BRSK1: variants seen among roughly 807,000 people sequenced by gnomAD.
BRSK1 encodes BR serine/threonine kinase 1.
In BRSK1, 17 loss-of-function variants were observed where a neutral mutation model predicts 86.2. The observed-to-expected ratio is 0.20, with a 90% CI of 0.14 to 0.30. The LOEUF (loss-of-function observed/expected upper bound fraction) is 0.30. Among genes scored for constraint, BRSK1 ranks in the 10% least tolerant of loss-of-function variants. The probability of loss-of-function intolerance (pLI) is 1.00; values close to 1 mark genes in which losing one functional copy is unlikely to be tolerated. For synonymous variants in BRSK1, 464 were observed against 440.1 expected, an observed-to-expected ratio of 1.05 and a Z score of -0.68; for missense variants, 719 against 1,071.9, an observed-to-expected ratio of 0.67 and a Z score of 4.60.
Position 55,302,218 on chromosome 19 carries a change from G to A in BRSK1, c.857+50G>A. The stretch of plus-strand genomic sequence containing the variant: ...TGGGTCCCTGGCGGAAATAGGGGAG[G>A]GGCCAAAGCAGTAGAAGCGGCTGGG... On this transcript the variant is annotated intron_variant, in intron 9 of 18. Coordinates refer to ENST00000309383, the MANE Select transcript of BRSK1 (RefSeq NM_032430.2). The surrounding 1 kb of genome is among the most constrained non-coding windows in gnomAD (Gnocchi z 6.3). The A allele has an allele frequency of 6.2e-7, 1 of 1,609,356 alleles. No homozygotes were observed. The highest frequency in any genetic ancestry group is 8.5e-7 in the Non-Finnish European group (1 of 1,175,664).
At chr19:55,284,602 C>T (rs1439068086) in intron 1 of BRSK1, 24 bp downstream of exon 1, 1 of 1,271,388 alleles carries the variant, frequency 7.9e-7, no homozygotes, top group Non-Finnish European at 1.0e-6. Flanking sequence ...AAGGGGACAC[C>T]TGGGGCGGGG....
At position 55,305,327 on chromosome 19, in the gene BRSK1, C is replaced by T. The variant is rs779893208; in HGVS notation, c.1724C>T (p.Thr575Ile). ...TCTGCCTTCCCCCTACCAGTCCCTA[C>T]CGCTGAGGAGATGTCCAGCTTGACG... is the stretch of plus-strand genomic sequence containing the variant. ...RFHRRKMQVPTAEEMSSLTPE... is the reference protein window; with the variant it reads ...RFHRRKMQVPIAEEMSSLTPE... The change falls in exon 15 of 19, where the codon ACC (threonine) becomes ATC (isoleucine). Residue 575 changes from threonine to isoleucine, a missense_variant. By Grantham distance (89) the Thr-to-Ile change is moderately conservative. This residue lies in a region of BRSK1 where 180 missense variants were observed against 259.4 expected (regional missense o/e 0.69). Transcript: ENST00000309383. 2.5e-6 allele frequency: 4 copies of T among 1,614,010 alleles called. No homozygotes were observed. The Admixed American group carries it at 5.0e-5, about 20-fold the overall frequency.
At position 55,305,574 on chromosome 19, in the gene BRSK1, T is replaced by C; in HGVS notation, c.1878T>C (p.His626=). The change falls in exon 16 of 19, where the codon CAT becomes CAC. Residue 626 remains histidine (H), a synonymous_variant. Transcript: ENST00000309383. ...GCAGCATCAAAGCAGACATCGTCCA[T>C]GCCTTTCTGTCGGTGAGGGGCCTGG... The part of the protein sequence containing the change: ...PLSSIKADIV[H]AFLSIPSLSH... The C allele has an allele frequency of 6.8e-6, 11 of 1,614,182 alleles. No individual in the cohort carries two copies. Among genetic ancestry groups the C allele is most frequent in the Non-Finnish European group, 9.3e-6 (11 of 1,180,038 alleles).
chr19:55,288,928 G>A (rs953169780), intron 3 of BRSK1, among the ~76,000 whole-genome samples: 1 of 152,144 alleles, frequency 6.6e-6, no homozygotes, highest in African/African-American at 2.4e-5. Context: ...GGGAGTTGTC[G>A]TCTATTGCCT....
intron 14 of BRSK1, 123 bp from the exon 15 acceptor site, chr19:55,305,198 T>C: frequency 2.9e-6 from 4 of 1,360,902 alleles, no homozygotes; most frequent in Non-Finnish European, 4.1e-6. Context: ...CCAGGAGGGA[T>C]GGCTTGGCCG....
At chr19:55,301,943 G>A (rs1600185272) in intron 8 of BRSK1, 194 bp from the exon 9 acceptor site, 6 of 828,100 alleles carry the variant, frequency 7.2e-6, no homozygotes, top group African/African-American at 5.0e-5. Flanking sequence ...GCCGGTCCGG[G>A]GTACACGGAG....
chr19:55,302,810 C>A lies in BRSK1; in HGVS notation c.971C>A (p.Ala324Glu). 1 of 1,613,878 alleles carries A rather than the reference C, an allele frequency of 6.2e-7. No homozygotes were observed. The highest frequency in any genetic ancestry group is 8.5e-7 in the Non-Finnish European group (1 of 1,179,962). The change falls in exon 10 of 19, where the codon GCA (alanine) becomes GAA (glutamate). Residue 324 changes from alanine to glutamate, a missense_variant. By Grantham distance (107) the Ala-to-Glu change is moderately radical. Coordinates refer to ENST00000309383, the MANE Select transcript of BRSK1 (RefSeq NM_032430.2). This position sits in a 1 kb window ranked among gnomAD's most constrained non-coding sequence, Gnocchi z 6.3. ...GACCCCGACGTCCTAGAGAGCATGG[C>A]ATCACTGGGCTGCTTCAGGGACCGC... is the stretch of plus-strand genomic sequence containing the variant. ...ELDPDVLESMASLGCFRDRER... is the reference protein window; with the variant it reads ...ELDPDVLESMESLGCFRDRER...
At position 55,289,450 on chromosome 19, in the gene BRSK1, C is replaced by G. The variant is rs1380949802; in HGVS notation, c.318-30C>G. On this transcript the variant is annotated intron_variant, in intron 3 of 18. Coordinates refer to ENST00000309383, the MANE Select transcript of BRSK1 (RefSeq NM_032430.2). ...CCCTTTGGTCCTCCACATGCCCCTT[C>G]CAGCCCTCTGCCCCCTCTATATCCT... is the stretch of plus-strand genomic sequence containing the variant. The G allele has an allele frequency of 7.5e-6, 12 of 1,598,354 alleles. No homozygotes were observed. In the South Asian group the frequency reaches 8.9e-5, roughly 12 times the overall value.
At position 55,302,766 on chromosome 19, in the gene BRSK1, G is replaced by A. The variant is rs138976142; in HGVS notation, c.927G>A (p.Leu309=). Residue 309 remains leucine (L), a synonymous_variant, in exon 10 of 19, where the codon CTG becomes CTA. Coordinates refer to ENST00000309383, the MANE Select transcript of BRSK1 (RefSeq NM_032430.2). The surrounding 1 kb of genome is among the most constrained non-coding windows in gnomAD (Gnocchi z 6.3). ...GCCGCCGGGTAGCCATGCGGAGCCTGCCATCCAACGGAGAGCTGGACCCCG... is the reference window on the plus strand; with the variant it reads ...GCCGCCGGGTAGCCATGCGGAGCCTACCATCCAACGGAGAGCTGGACCCCG... ...APGRRVAMRS[L]PSNGELDPDV... 9.9e-6 allele frequency: 16 copies of A among 1,613,796 alleles called. 1 individual carries two copies. The highest frequency in any genetic ancestry group is 1.3e-5 in the Non-Finnish European group (15 of 1,179,940).
chr19:55,286,417 C>T (rs1196449486), intron 1 of BRSK1, among the ~76,000 whole-genome samples: 1 of 151,006 alleles, frequency 6.6e-6, no homozygotes, highest in Non-Finnish European at 1.5e-5. Flanking sequence ...TCTGTTAGGG[C>T]TGCCATGAAG....
At chr19:55,289,147 A>C (rs2088367366) in intron 3 of BRSK1, among the ~76,000 whole-genome samples, 1 of 152,048 alleles carries the variant, frequency 6.6e-6, no homozygotes, top group Non-Finnish European at 1.5e-5. Flanking sequence ...TCCTGAAACC[A>C]TTATGAGTCA....
Position 55,287,207 on chromosome 19 carries a change from C to T in BRSK1, c.232-7C>T, listed in dbSNP as rs202159884. 9.9e-6 allele frequency: 16 copies of T among 1,613,884 alleles called. No homozygotes were observed. Among genetic ancestry groups the T allele is most frequent in the Non-Finnish European group, 1.3e-5 (15 of 1,179,926 alleles). On this transcript the variant is annotated splice_polypyrimidine_tract_variant and splice_region_variant and intron_variant, in intron 2 of 18. Coordinates refer to ENST00000309383, the MANE Select transcript of BRSK1 (RefSeq NM_032430.2). The surrounding 1 kb of genome is among the most constrained non-coding windows in gnomAD (Gnocchi z 5.3). ...TTTCCCGTGTCCCCACCCCTCTTGA[C>T]CCTCAGGTGGAGCGGGAGATCGCCA... is the stretch of plus-strand genomic sequence containing the variant.
At chr19:55,285,092 G>T (rs533249212) in intron 1 of BRSK1, among the ~76,000 whole-genome samples, 2 of 150,378 alleles carry the variant, frequency 1.3e-5, no homozygotes, top group East Asian at 3.9e-4. Context: ...TGGACTTTTG[G>T]GTTTGAGGGA....
At position 55,305,358 on chromosome 19, in the gene BRSK1, G is replaced by C; in HGVS notation, c.1755G>C (p.Glu585Asp). The C allele has an allele frequency of 6.2e-7, 1 of 1,614,156 alleles. No individual in the cohort carries two copies. Among genetic ancestry groups the C allele is most frequent in the Non-Finnish European group, 8.5e-7 (1 of 1,180,018 alleles). ...TAEEMSSLTP[E>D]SSPELAKRSW... ...AGGAGATGTCCAGCTTGACGCCAGAGTCCTCCCCGGAGTGAGTCTCACAGG... is the reference window on the plus strand; with the variant it reads ...AGGAGATGTCCAGCTTGACGCCAGACTCCTCCCCGGAGTGAGTCTCACAGG... The change falls in exon 15 of 19, where the codon GAG (glutamate) becomes GAC (aspartate). Residue 585 changes from glutamate (E) to aspartate (D), a missense_variant. Transcript: ENST00000309383.
chr19:55,303,707 T>C lies in BRSK1; in HGVS notation c.1167T>C (p.Arg389=), dbSNP rs915430218. 3.1e-6 allele frequency: 5 copies of C among 1,612,656 alleles called. No homozygotes were observed. The highest frequency in any genetic ancestry group is 3.4e-6 in the Non-Finnish European group (4 of 1,179,542). The part of the protein sequence containing the change: ...RKRVDSPMLS[R]HGKRRPERKS... The stretch of plus-strand genomic sequence containing the variant: ...GTGTGGATTCTCCCATGCTGAGCCG[T>C]CACGGGAAGCGGCGACCAGAGCGGA... Residue 389 remains arginine (R), a synonymous_variant, in exon 12 of 19, where the codon CGT becomes CGC. Transcript: ENST00000309383. This position sits in a 1 kb window ranked among gnomAD's most constrained non-coding sequence, Gnocchi z 5.1.
At position 55,312,022 on chromosome 19, in the gene BRSK1, C is replaced by G. The variant is rs201200452; in HGVS notation, c.2291C>G (p.Pro764Arg). The G allele has an allele frequency of 6.6e-6, 10 of 1,509,974 alleles. No homozygotes were observed. Among genetic ancestry groups the G allele is most frequent in the Non-Finnish European group, 8.9e-6 (10 of 1,128,552 alleles). 93.5% of individuals were successfully genotyped at this position (1,509,974 alleles called of 1,614,324 possible). ...ELSSSPRRGP[P>R]KDKKLLATNG... ...AGCAGCTCTCCCCGCCGAGGCCCCC[C>G]CAAGGACAAGAAGCTCCTGGCCACC... is the stretch of plus-strand genomic sequence containing the variant. The change falls in exon 19 of 19, where the codon CCC (proline) becomes CGC (arginine). Residue 764 changes from proline (P) to arginine (R), a missense_variant. Physicochemically the swap from Pro to Arg is moderately radical, Grantham distance 103 (BLOSUM62 -2). Coordinates refer to ENST00000309383, the MANE Select transcript of BRSK1 (RefSeq NM_032430.2).
rs1462859641 is a variant in BRSK1 at position 55,302,621 on chromosome 19, G to C, written c.858-76G>C. 8.5e-6 allele frequency: 13 copies of C among 1,521,378 alleles called. No individual in the cohort carries two copies. The highest frequency in any genetic ancestry group is 1.2e-5 in the Non-Finnish European group (13 of 1,125,100). The allele number at this position is 1,521,378 out of a possible 1,614,324, so 94.2% of individuals were successfully genotyped here. On this transcript the variant is annotated intron_variant, in intron 9 of 18. Transcript: ENST00000309383. This position sits in a 1 kb window ranked among gnomAD's most constrained non-coding sequence, Gnocchi z 6.3. ...GGCCTAGACTCGGATTTCGGGGTCC[G>C]GGATCATTGAGTCTAGAATGAAGAA...
In BRSK1 at chr19:55,289,473, C is replaced by T; in HGVS notation, c.318-7C>T. On this transcript the variant is annotated splice_polypyrimidine_tract_variant and splice_region_variant and intron_variant, in intron 3 of 18. Transcript: ENST00000309383. ...TTCCAGCCCTCTGCCCCCTCTATAT[C>T]CTTTAGGTACCTGGTTCTGGAGCAC... 1.9e-6 allele frequency: 3 copies of T among 1,610,846 alleles called. No individual in the cohort carries two copies. In the African/African-American group the frequency reaches 4.0e-5, roughly 22 times the overall value.
At chr19:55,284,605 G>A (rs2088280368) in intron 1 of BRSK1, 27 bp downstream of exon 1, 2 of 1,270,768 alleles carry the variant, frequency 1.6e-6, no homozygotes, top group Non-Finnish European at 2.0e-6. Flanking sequence ...GGGACACCTG[G>A]GGCGGGGGGC....
Sources: allele counts gnomAD v4.1 joint callset (sites outside exome capture counted in the v4.1 genomes callset), GRCh38; gene constraint gnomAD v4.1.1; regional missense constraint gnomAD v4.1.1; non-coding constraint Gnocchi (gnomAD v3.1); transcripts MANE v1.5; gene names NCBI Gene and HGNC (gene_info 2026-07-23, HGNC 2026-07-21).